Variants in GPC5 observed in about 807,000 individuals in gnomAD.
GPC5 encodes glypican 5, also known as glypican-5.
GPC5 carries 47 observed loss-of-function variants against 53.9 expected under a neutral mutation model. The ratio of observed to expected loss-of-function variants is 0.87; its 90% confidence interval spans 0.69 to 1.11. GPC5 has a LOEUF of 1.11. Among genes scored for constraint, GPC5 ranks in the 50% most tolerant of loss-of-function variants. GPC5 has a pLI of 0.00. For synonymous variants in GPC5, 286 were observed against 263.3 expected (o/e 1.09, Z -0.84); for missense variants, 748 against 713.1 (o/e 1.05, Z -0.56).
chr13:92,573,961 G>A (rs539395928), intron 7 of GPC5, among the ~76,000 whole-genome samples: 1 of 152,160 alleles, frequency 6.6e-6, no homozygotes. Flanking sequence ...CCGTCATCCA[G>A]TGAACAGCAA....
At chr13:91,839,333 G>C (rs2038758198) in intron 5 of GPC5, among the ~76,000 whole-genome samples, 1 of 151,770 alleles carries the variant, frequency 6.6e-6, no homozygotes, top group Non-Finnish European at 1.5e-5. Flanking sequence ...TTTTCCAAAG[G>C]GTTCTAGTAA....
chr13:92,672,645 G>C (rs1207468932), intron 7 of GPC5, among the ~76,000 whole-genome samples: 1 of 152,086 alleles, frequency 6.6e-6, no homozygotes, highest in Non-Finnish European at 1.5e-5. Context: ...ATGGAAATCA[G>C]TGACACACTG....
intron 7 of GPC5, among the ~76,000 whole-genome samples, chr13:92,311,261 G>A (rs948692597): frequency 2.0e-5 from 3 of 152,160 alleles, no homozygotes; most frequent in African/African-American, 7.2e-5. Context: ...CAAGCAGCTA[G>A]CATGTGCAGG....
intron 7 of GPC5, among the ~76,000 whole-genome samples, chr13:92,389,329 T>A (rs1368365752): frequency 6.6e-6 from 1 of 152,102 alleles, no homozygotes; most frequent in Non-Finnish European, 1.5e-5. Flanking sequence ...AAAACAATCT[T>A]CCTCCAAGAT....
intron 5 of GPC5, among the ~76,000 whole-genome samples, chr13:91,776,826 G>A (rs1018128209): frequency 2.0e-5 from 3 of 152,176 alleles, no homozygotes; most frequent in South Asian, 4.1e-4. Context: ...GCTCACATGA[G>A]TAATAAGACA....
At chr13:92,473,442 C>T (rs918243900) in intron 7 of GPC5, among the ~76,000 whole-genome samples, 2 of 152,056 alleles carry the variant, frequency 1.3e-5, no homozygotes, top group African/African-American at 4.8e-5. Flanking sequence ...AGAATTAATC[C>T]TGTGCTTTTT....
At position 92,291,987 on chromosome 13, in the gene GPC5, A is replaced by G. The variant is rs147263435; in HGVS notation, c.1561+146998A>G. Among the ~76,000 whole-genome samples the G allele has an allele frequency of 9.4e-3, 1,437 of 152,282 alleles. 18 individuals are homozygous for G. Among genetic ancestry groups the G allele is most frequent in the African/African-American group, 0.033 (1,352 of 41,552 alleles). On this transcript the variant is annotated intron_variant, in intron 7 of 7. Transcript: ENST00000377067. ...GCTGCCTTTAAGAACTGTAACACTC[A>G]CCACAAGGGTCCGCGGCTTCATTCT... is the stretch of plus-strand genomic sequence containing the variant.
chr13:91,501,535 G>C (rs1884637068), intron 2 of GPC5, among the ~76,000 whole-genome samples: 2 of 152,034 alleles, frequency 1.3e-5, no homozygotes, highest in African/African-American at 4.8e-5. Flanking sequence ...TAAGAATGAT[G>C]GTTTCCAGCT....
chr13:92,054,925 G>T (rs2041062284), intron 6 of GPC5, among the ~76,000 whole-genome samples: 1 of 152,052 alleles, frequency 6.6e-6, no homozygotes, highest in Non-Finnish European at 1.5e-5. Context: ...AGTTTTATGG[G>T]TATCCCATAT....
chr13:92,469,250 C>T (rs1216413527), intron 7 of GPC5, among the ~76,000 whole-genome samples: 1 of 151,870 alleles, frequency 6.6e-6, no homozygotes, highest in Admixed American at 6.6e-5. Context: ...GCTCTGTCAC[C>T]CAGGCTGGAG....
intron 6 of GPC5, among the ~76,000 whole-genome samples, chr13:91,982,837 C>A (rs1051065592): frequency 3.3e-5 from 5 of 152,144 alleles, no homozygotes; most frequent in Non-Finnish European, 5.9e-5. Context: ...GAGTTCCTGG[C>A]TTTTCATTTT....
chr13:91,970,078 T>C (rs1479226471), intron 6 of GPC5, among the ~76,000 whole-genome samples: 1 of 152,108 alleles, frequency 6.6e-6, no homozygotes, highest in African/African-American at 2.4e-5. Context: ...TGGAAAACTA[T>C]TCAGTATTTA....
At chr13:92,329,259 G>C (rs1309648317) in intron 7 of GPC5, among the ~76,000 whole-genome samples, 1 of 152,156 alleles carries the variant, frequency 6.6e-6, no homozygotes, top group Non-Finnish European at 1.5e-5. Flanking sequence ...CAGCTGTTCA[G>C]CTCCTGGGGA....
intron 7 of GPC5, among the ~76,000 whole-genome samples, chr13:92,649,156 C>T (rs560313991): frequency 9.9e-5 from 15 of 152,212 alleles, no homozygotes; most frequent in African/African-American, 3.6e-4. Flanking sequence ...CTGAAAACCA[C>T]AAACATCTAT....
intron 7 of GPC5, among the ~76,000 whole-genome samples, chr13:92,795,509 G>C (rs1050271714): frequency 2.0e-5 from 3 of 152,154 alleles, no homozygotes; most frequent in Admixed American, 6.6e-5. Context: ...AAAAGCAATG[G>C]CAACAAAAGC....
At chr13:91,960,201 C>T (rs544889541) in intron 6 of GPC5, among the ~76,000 whole-genome samples, 1 of 151,408 alleles carries the variant, frequency 6.6e-6, no homozygotes, top group Admixed American at 6.6e-5. Flanking sequence ...CCAAAATACT[C>T]TTTACAGCTG....
At chr13:92,266,285 C>T (rs1288730536) in intron 7 of GPC5, among the ~76,000 whole-genome samples, 1 of 152,002 alleles carries the variant, frequency 6.6e-6, no homozygotes, top group African/African-American at 2.4e-5. Context: ...GATTAGAGTT[C>T]ACTTTATTTC....
At chr13:91,964,082 G>T (rs1452729208) in intron 6 of GPC5, among the ~76,000 whole-genome samples, 2 of 152,164 alleles carry the variant, frequency 1.3e-5, no homozygotes, top group Non-Finnish European at 2.9e-5. Flanking sequence ...AAGATGGTGT[G>T]TCCAGAGTTT....
At chr13:91,558,708 A>G (rs184452597) in intron 2 of GPC5, among the ~76,000 whole-genome samples, 40 of 152,134 alleles carry the variant, frequency 2.6e-4, no homozygotes, top group Non-Finnish European at 4.3e-4. Flanking sequence ...AGATACGTTG[A>G]GACTGTTGCC....
Sources: allele counts gnomAD v4.1 joint callset (sites outside exome capture counted in the v4.1 genomes callset), GRCh38; gene constraint gnomAD v4.1.1; transcripts MANE v1.5; gene names NCBI Gene and HGNC (gene_info 2026-07-23, HGNC 2026-07-21).